KCNG3: variants seen among roughly 807,000 people sequenced by gnomAD.
KCNG3 encodes the protein voltage-gated potassium channel regulatory subunit KCNG3.
KCNG3 carries 15 observed loss-of-function variants against 29.0 expected under a neutral mutation model. The observed-to-expected ratio is 0.52, with a 90% CI of 0.35 to 0.80. The LOEUF (loss-of-function observed/expected upper bound fraction) is 0.80, where lower values mean the gene tolerates loss of function less well. KCNG3 is among the 30% of genes least tolerant of loss of function. The pLI is 0.01. For missense variants in KCNG3, 512 were observed against 605.7 expected, an observed-to-expected ratio of 0.85 and a Z score of 1.62; for synonymous variants, 322 against 248.9, an observed-to-expected ratio of 1.29 and a Z score of -2.76.
intron 1 of KCNG3, among the ~76,000 whole-genome samples, chr2:42,476,275 C>T (rs912511204): frequency 2.0e-5 from 3 of 150,400 alleles, no homozygotes; most frequent in Non-Finnish European, 4.4e-5. Flanking sequence ...AGTTCGAGAC[C>T]AGCCTGGGCA....
chr2:42,475,867 G>C (rs1259444730), intron 1 of KCNG3, among the ~76,000 whole-genome samples: 1 of 152,078 alleles, frequency 6.6e-6, no homozygotes, highest in Non-Finnish European at 1.5e-5. Flanking sequence ...GAGTTTCTGA[G>C]ACTAGCCTGA....
the KCNG3 span, among the ~76,000 whole-genome samples, chr2:42,417,549 T>G: frequency 2.0e-5 from 3 of 152,128 alleles, 1 homozygote; most frequent in Non-Finnish European, 4.4e-5. Flanking sequence ...CTTGAAATCC[T>G]GGGCTCAAGT....
At chr2:42,433,396 G>C in the KCNG3 span, among the ~76,000 whole-genome samples, 291 of 152,232 alleles carry the variant, frequency 1.9e-3, 5 homozygotes, top group East Asian at 0.051. Flanking sequence ...GTGTGAGTCG[G>C]TGGGCTGAGT....
rs750768243 is a variant in KCNG3 at position 42,444,396 on chromosome 2, C to T, written c.849G>A (p.Arg283=). The stretch of plus-strand genomic sequence containing the variant: ...TAAGTACCCTCAAGGTGACTCCAGC[C>T]CTCTGGAGTTGAGAGTTCTCGCCTG... ...VFTGENSQLQ[R]AGVTLRVLRM... is the part of the protein sequence containing the mutation. The change falls in exon 2 of 2, where the codon AGG becomes AGA. Residue 283 remains arginine, a synonymous_variant. Coordinates refer to ENST00000306078, the MANE Select transcript of KCNG3 (RefSeq NM_133329.6). This position sits in a 1 kb window ranked among gnomAD's most constrained non-coding sequence, Gnocchi z 5.8. 2 of 1,613,912 alleles carry T rather than the reference C, an allele frequency of 1.2e-6. No homozygotes were observed. Among genetic ancestry groups the T allele is most frequent in the Non-Finnish European group, 1.7e-6 (2 of 1,179,840 alleles).
At chr2:42,451,024 G>T (rs1178331741) in intron 1 of KCNG3, among the ~76,000 whole-genome samples, 1 of 151,736 alleles carries the variant, frequency 6.6e-6, no homozygotes, top group Admixed American at 6.6e-5. Flanking sequence ...GGCCAACATG[G>T]TGAAACCCTG....
At chr2:42,458,390 T>C (rs1042824511) in intron 1 of KCNG3, among the ~76,000 whole-genome samples, 10 of 152,222 alleles carry the variant, frequency 6.6e-5, no homozygotes, top group African/African-American at 2.4e-4. Context: ...CCTCTGTGGT[T>C]CCTCTGTCCT....
chr2:42,428,475 A>AAAAAAAAAG, the KCNG3 span, among the ~76,000 whole-genome samples: 1 of 143,810 alleles, frequency 7.0e-6, no homozygotes, highest in African/African-American at 2.8e-5. Flanking sequence ...AAAAAAAAAA[A>AAAAAAAAAG]AAAGAAAAGA....
chr2:42,415,007 T>C, the KCNG3 span, among the ~76,000 whole-genome samples: 1 of 152,252 alleles, frequency 6.6e-6, no homozygotes, highest in African/African-American at 2.4e-5. Flanking sequence ...TTTCTTGATA[T>C]AAATTCTCCT....
intron 1 of KCNG3, among the ~76,000 whole-genome samples, chr2:42,466,755 T>A (rs1422676193): frequency 6.8e-6 from 1 of 147,756 alleles, no homozygotes; most frequent in Non-Finnish European, 1.5e-5. Flanking sequence ...TACTCTTCCT[T>A]TTTTTTTTTT....
At position 42,463,238 on chromosome 2, in the gene KCNG3, G is replaced by A. The variant is rs1572850759; in HGVS notation, c.666-18659C>T. On this transcript the variant is annotated intron_variant, in intron 1 of 1. Transcript: ENST00000306078. ...GCATCAGCTTGATACTTGGCTTTAC[G>A]GTCTGAGTGTACCCTAAACCTATCA... is the stretch of plus-strand genomic sequence containing the variant. The A allele has an allele frequency of 2.2e-5, 7 of 325,090 alleles. No homozygotes were observed. In the East Asian group the frequency reaches 3.4e-4, roughly 16 times the overall value. 20.1% of individuals were successfully genotyped at this position (325,090 alleles called of 1,614,324 possible).
intron 1 of KCNG3, among the ~76,000 whole-genome samples, chr2:42,490,594 G>A (rs1673846943): frequency 6.6e-6 from 1 of 152,042 alleles, no homozygotes; most frequent in South Asian, 2.1e-4. Flanking sequence ...CCACCAACTT[G>A]ACACCAACTT....
At chr2:42,470,151 G>C in intron 1 of KCNG3, 1 of 429,084 alleles carries the variant, frequency 2.3e-6, no homozygotes, top group South Asian at 3.1e-5. Context: ...GCTAAATTCT[G>C]TCTGATTCTG....
the KCNG3 span, among the ~76,000 whole-genome samples, chr2:42,415,226 A>C: frequency 6.6e-6 from 1 of 152,196 alleles, no homozygotes; most frequent in African/African-American, 2.4e-5. Flanking sequence ...TTCAGATAGC[A>C]TGATTCCAGA....
At chr2:42,408,941 G>A in the KCNG3 span, among the ~76,000 whole-genome samples, 1 of 152,086 alleles carries the variant, frequency 6.6e-6, no homozygotes, top group Non-Finnish European at 1.5e-5. Flanking sequence ...CTGAATGCTT[G>A]TTCCCCGATG....
intron 1 of KCNG3, among the ~76,000 whole-genome samples, chr2:42,488,296 G>C (rs1374617112): frequency 6.6e-6 from 1 of 152,132 alleles, no homozygotes; most frequent in Non-Finnish European, 1.5e-5. Flanking sequence ...CAAAATTTCG[G>C]AGGTTCATAA....
At chr2:42,419,497 C>T in the KCNG3 span, among the ~76,000 whole-genome samples, 2 of 151,956 alleles carry the variant, frequency 1.3e-5, no homozygotes, top group African/African-American at 4.8e-5. Flanking sequence ...CCGCCTCGGC[C>T]TCCCAAAGTG....
chr2:42,464,033 TG>T, intron 1 of KCNG3: 1 of 217,272 alleles, frequency 4.6e-6, no homozygotes. Context: ...GGCTCAGTGG[TG>T]GTGGCAGGCT....
chr2:42,413,078 A>T, the KCNG3 span, among the ~76,000 whole-genome samples: 1 of 152,140 alleles, frequency 6.6e-6, no homozygotes, highest in Non-Finnish European at 1.5e-5. Context: ...CAACTCCTGC[A>T]TAGTTTACAG....
intron 1 of KCNG3, among the ~76,000 whole-genome samples, chr2:42,455,277 C>T (rs569782309): frequency 6.6e-6 from 1 of 152,288 alleles, no homozygotes; most frequent in South Asian, 2.1e-4. Context: ...AGTTGGACTG[C>T]TCAGCCACAC....
Sources: gnomAD v4.1 joint callset for allele counts (sites outside exome capture counted in the v4.1 genomes callset) on GRCh38, gnomAD v4.1.1 for gene constraint, Gnocchi (gnomAD v3.1) non-coding constraint, MANE v1.5 for transcripts, NCBI Gene and HGNC (gene_info 2026-07-23, HGNC 2026-07-21) for gene names.